Variants in PREX1 observed in about 807,000 individuals in gnomAD.
The protein encoded by PREX1 is phosphatidylinositol 3,4,5-trisphosphate-dependent Rac exchanger 1 protein.
PREX1 carries 41 observed loss-of-function variants against 198.3 expected under a neutral mutation model. The observed-to-expected ratio is 0.21, with a 90% CI of 0.16 to 0.27. The LOEUF (loss-of-function observed/expected upper bound fraction) is 0.27, where lower values mean the gene tolerates loss of function less well. Among genes scored for constraint, PREX1 ranks in the 10% least tolerant of loss-of-function variants. The probability of loss-of-function intolerance (pLI) is 1.00; values close to 1 mark genes in which losing one functional copy is unlikely to be tolerated. For synonymous variants in PREX1, 843 were observed against 887.2 expected, an observed-to-expected ratio of 0.95 and a Z score of 0.89; for missense variants, 1,620 against 2,200.7, an observed-to-expected ratio of 0.74 and a Z score of 5.28.
the PREX1 span, among the ~76,000 whole-genome samples, chr20:48,872,136 G>T: frequency 6.6e-6 from 1 of 150,582 alleles, no homozygotes; most frequent in Non-Finnish European, 1.5e-5. Context: ...TCCAGCCTGG[G>T]TGGCAGAGCA....
At chr20:48,627,524 G>T in intron 39 of PREX1, 24 bp downstream of exon 39, 1 of 1,613,590 alleles carries the variant, frequency 6.2e-7, no homozygotes, top group African/African-American at 1.3e-5. Context: ...TGGACAGGAA[G>T]GGGCGGACGA....
At chr20:48,849,086 A>G in the PREX1 span, among the ~76,000 whole-genome samples, 1 of 148,282 alleles carries the variant, frequency 6.7e-6, no homozygotes, top group Non-Finnish European at 1.5e-5. Context: ...ACAGAGGAAG[A>G]CCCTGTCTCA....
the PREX1 span, among the ~76,000 whole-genome samples, chr20:48,864,149 G>A: frequency 1.3e-5 from 2 of 152,134 alleles, no homozygotes; most frequent in African/African-American, 4.8e-5. Flanking sequence ...AAATACAAGA[G>A]GACGCAGAGA....
chr20:48,834,286 T>C, the PREX1 span, among the ~76,000 whole-genome samples: 4 of 152,074 alleles, frequency 2.6e-5, no homozygotes, highest in African/African-American at 7.2e-5. Flanking sequence ...CTGGAGGAAA[T>C]ATCTTGAAAT....
At chr20:48,760,978 T>C (rs1382371551) in intron 1 of PREX1, among the ~76,000 whole-genome samples, 1 of 152,180 alleles carries the variant, frequency 6.6e-6, no homozygotes, top group East Asian at 1.9e-4. Flanking sequence ...TATACACTGA[T>C]TTTAAAATAA....
At chr20:48,731,658 C>T (rs908275282) in intron 4 of PREX1, among the ~76,000 whole-genome samples, 1 of 152,230 alleles carries the variant, frequency 6.6e-6, no homozygotes, top group Admixed American at 6.5e-5. Flanking sequence ...TGTCTGTTCC[C>T]AAAGCCTTAA....
chr20:48,748,657 G>T (rs955372077), intron 1 of PREX1, among the ~76,000 whole-genome samples: 5 of 152,108 alleles, frequency 3.3e-5, no homozygotes, highest in Non-Finnish European at 4.4e-5. Context: ...ACCCTTTCAG[G>T]GGCTTGGAAC....
chr20:48,758,390 G>A (rs1451081234), intron 1 of PREX1, among the ~76,000 whole-genome samples: 2 of 152,204 alleles, frequency 1.3e-5, no homozygotes, highest in African/African-American at 2.4e-5. Context: ...GCAGTGGAGC[G>A]TCCCTCTGGT....
At chr20:48,814,322 G>C (rs2090450049) in intron 1 of PREX1, among the ~76,000 whole-genome samples, 1 of 152,246 alleles carries the variant, frequency 6.6e-6, no homozygotes, top group Non-Finnish European at 1.5e-5. Context: ...GGGAGAGACA[G>C]ATACTAAACA....
the PREX1 span, among the ~76,000 whole-genome samples, chr20:48,843,518 A>G: frequency 6.6e-6 from 1 of 152,228 alleles, no homozygotes; most frequent in African/African-American, 2.4e-5. Flanking sequence ...ACCAGTCTAC[A>G]TTCCCTCCTG....
chr20:48,711,105 G>T (rs769593366), intron 5 of PREX1, among the ~76,000 whole-genome samples: 2 of 152,214 alleles, frequency 1.3e-5, no homozygotes, highest in Non-Finnish European at 2.9e-5. Context: ...ATATAAAGTG[G>T]GAAGACCAGT....
intron 31 of PREX1, 86 bp downstream of exon 31, chr20:48,637,625 G>C (rs368858346): frequency 1.5e-6 from 2 of 1,335,112 alleles, no homozygotes; most frequent in Admixed American, 5.2e-5. Context: ...GCCTCCCCCC[G>C]TCCAGGCCCC....
chr20:48,695,976 A>C (rs2089843092), intron 7 of PREX1, among the ~76,000 whole-genome samples: 2 of 152,262 alleles, frequency 1.3e-5, no homozygotes, highest in Non-Finnish European at 2.9e-5. Context: ...GTCTGGCTAC[A>C]GAAGGGCCTC....
intron 1 of PREX1, among the ~76,000 whole-genome samples, chr20:48,751,506 C>T (rs372405161): frequency 3.9e-5 from 6 of 152,194 alleles, no homozygotes; most frequent in South Asian, 2.1e-4. Context: ...GCTCGTGACC[C>T]GGAAAGAATG....
Position 48,692,796 on chromosome 20 carries a change from A to G in PREX1, c.918-6T>C, listed in dbSNP as rs759592955. The G allele has an allele frequency of 6.2e-7, 1 of 1,611,278 alleles. No homozygotes were observed. Among genetic ancestry groups the G allele is most frequent in the Non-Finnish European group, 8.5e-7 (1 of 1,177,450 alleles). ...ACTTCTTGCTCCCGGTGACCCTGAT[A>G]GACAGTGAGAAGTCAGTGTCCCCTA... On this transcript the variant is annotated splice_polypyrimidine_tract_variant and splice_region_variant and intron_variant, in intron 7 of 39. Coordinates refer to ENST00000371941, the MANE Select transcript of PREX1 (RefSeq NM_020820.4).
chr20:48,811,629 C>G (rs1033827968), intron 1 of PREX1, among the ~76,000 whole-genome samples: 25 of 95,664 alleles, frequency 2.6e-4, no homozygotes, highest in African/African-American at 1.2e-3. Context: ...CACACCCCCC[C>G]ACACACACAC....
At position 48,658,161 on chromosome 20, in the gene PREX1, G is replaced by T; in HGVS notation, c.1949C>A (p.Ser650Tyr). The change falls in exon 17 of 40, where the codon TCC becomes TAC. Residue 650 changes from serine (S) to tyrosine (Y), a missense_variant. Around this residue, in one of 7 missense-constraint regions of PREX1, gnomAD observed 488 missense variants for 802.5 expected, o/e 0.61. Transcript: ENST00000371941. ...CTCAGCCAGCGAGCCCCTCTGGACG[G>T]ACTTCACCACCACAGCCTTGTTCTT... is the stretch of plus-strand genomic sequence containing the variant. ...EEKNKAVVVK[S>Y]VQRGSLAEVA... 6.2e-7 allele frequency: 1 copy of T among 1,614,164 alleles called. No individual in the cohort carries two copies. Among genetic ancestry groups the T allele is most frequent in the Non-Finnish European group, 8.5e-7 (1 of 1,180,000 alleles).
chr20:48,825,943 G>A (rs2090506771), intron 1 of PREX1, among the ~76,000 whole-genome samples: 2 of 146,178 alleles, frequency 1.4e-5, no homozygotes, highest in African/African-American at 5.1e-5. Context: ...TTCCTAGAAG[G>A]GTCCTTTAGC....
chr20:48,721,503 G>A (rs1214497816), intron 5 of PREX1, among the ~76,000 whole-genome samples: 1 of 152,234 alleles, frequency 6.6e-6, no homozygotes. Context: ...CAAAGGCCCT[G>A]AGGCAGAAAC....
Sources: gnomAD v4.1 joint callset for allele counts (sites outside exome capture counted in the v4.1 genomes callset) on GRCh38, gnomAD v4.1.1 for gene constraint, gnomAD v4.1.1 regional missense constraint, MANE v1.5 for transcripts, NCBI Gene and HGNC (gene_info 2026-07-23, HGNC 2026-07-21) for gene names.